TLL1: variants seen among roughly 807,000 people sequenced by gnomAD.
TLL1 encodes the protein tolloid-like protein 1.
A neutral mutation model predicts 128.2 loss-of-function variants in TLL1; 49 were observed. That is an observed-to-expected ratio of 0.38 (90% CI 0.30 to 0.48). The LOEUF (loss-of-function observed/expected upper bound fraction) is 0.48. Among genes scored for constraint, TLL1 ranks in the 20% least tolerant of loss-of-function variants. The pLI is 0.96. For synonymous variants in TLL1, 454 were observed against 418.8 expected (o/e 1.08, Z -1.03); for missense variants, 1,123 against 1,242.0 (o/e 0.90, Z 1.44).
chr4:166,064,607 C>T (rs1740487990), intron 15 of TLL1, among the ~76,000 whole-genome samples: 1 of 151,936 alleles, frequency 6.6e-6, no homozygotes, highest in Non-Finnish European at 1.5e-5. Context: ...AATAAAAGGC[C>T]TGAGCAAAAA....
intron 12 of TLL1, among the ~76,000 whole-genome samples, chr4:166,046,321 T>C (rs1477953686): frequency 2.0e-5 from 3 of 152,164 alleles, no homozygotes; most frequent in Non-Finnish European, 4.4e-5. Flanking sequence ...GTACCTGGTA[T>C]GGTGAAGTTA....
intron 1 of TLL1, among the ~76,000 whole-genome samples, chr4:165,883,140 G>C (rs959570860): frequency 1.3e-5 from 2 of 152,088 alleles, no homozygotes; most frequent in African/African-American, 4.8e-5. Context: ...ACGCAAAACT[G>C]TATGCTTCAA....
At chr4:166,087,459 C>T (rs1741576494) in intron 18 of TLL1, among the ~76,000 whole-genome samples, 1 of 152,064 alleles carries the variant, frequency 6.6e-6, no homozygotes, top group African/African-American at 2.4e-5. Flanking sequence ...TCTAATCCTT[C>T]AAATATTTTG....
chr4:166,064,002 A>C (rs1740460780), intron 15 of TLL1, among the ~76,000 whole-genome samples: 3 of 152,098 alleles, frequency 2.0e-5, no homozygotes, highest in East Asian at 3.9e-4. Context: ...AATAATTAAA[A>C]AAAAAAAGAA....
intron 20 of TLL1, 131 bp from the exon 21 acceptor site, chr4:166,100,611 T>C (rs1742242466): frequency 8.2e-7 from 1 of 1,217,066 alleles, no homozygotes; most frequent in South Asian, 1.2e-5. Flanking sequence ...TGATTACACC[T>C]ACTCTCCAAG....
chr4:165,955,790 T>G (rs903818925), intron 1 of TLL1, among the ~76,000 whole-genome samples: 1 of 152,120 alleles, frequency 6.6e-6, no homozygotes, highest in Non-Finnish European at 1.5e-5. Flanking sequence ...TTAAAGGAGT[T>G]CTAAACATGG....
At chr4:165,962,979 G>A (rs539673477) in intron 1 of TLL1, among the ~76,000 whole-genome samples, 9 of 148,274 alleles carry the variant, frequency 6.1e-5, no homozygotes, top group Admixed American at 2.0e-4. Flanking sequence ...CACTTGAACC[G>A]AGGAGGCGGA....
intron 18 of TLL1, among the ~76,000 whole-genome samples, chr4:166,081,977 C>T (rs1362080976): frequency 6.6e-6 from 1 of 152,080 alleles, no homozygotes; most frequent in Non-Finnish European, 1.5e-5. Flanking sequence ...TGCCAATATT[C>T]GACTTGAGAA....
chr4:166,041,583 G>A (rs1270503253), intron 10 of TLL1, among the ~76,000 whole-genome samples: 1 of 151,896 alleles, frequency 6.6e-6, no homozygotes, highest in Non-Finnish European at 1.5e-5. Flanking sequence ...ACAGGCGTGA[G>A]CCACTGTGCC....
chr4:165,978,764 C>T (rs1388940315), intron 1 of TLL1, among the ~76,000 whole-genome samples: 3 of 152,186 alleles, frequency 2.0e-5, no homozygotes, highest in Non-Finnish European at 4.4e-5. Flanking sequence ...CCAATTTTAG[C>T]TGTTCTCAGG....
intron 1 of TLL1, among the ~76,000 whole-genome samples, chr4:165,902,349 G>T (rs888246459): frequency 6.6e-6 from 1 of 152,158 alleles, no homozygotes; most frequent in African/African-American, 2.4e-5. Context: ...CCTGCAGCTA[G>T]CTTGGTGTCT....
chr4:166,044,048 T>C (rs1000926461), intron 12 of TLL1, among the ~76,000 whole-genome samples: 3 of 152,138 alleles, frequency 2.0e-5, no homozygotes, highest in Admixed American at 1.3e-4. Context: ...TGAAAGGGAC[T>C]GAGTTAAACA....
At chr4:165,926,251 CATCT>C (rs749944483) in intron 1 of TLL1, among the ~76,000 whole-genome samples, 6 of 152,098 alleles carry the variant, frequency 3.9e-5, no homozygotes, top group South Asian at 2.1e-4. Context: ...TGTTTCTGTC[CATCT>C]ATCTATTTTT....
chr4:166,003,302 C>A, intron 5 of TLL1, 89 bp from the exon 6 acceptor site: 1 of 1,321,876 alleles, frequency 7.6e-7, no homozygotes, highest in Non-Finnish European at 1.1e-6. Context: ...CTTTATAGCT[C>A]ATCACTATTC....
chr4:165,954,717 C>G (rs1041846058), intron 1 of TLL1, among the ~76,000 whole-genome samples: 1 of 152,102 alleles, frequency 6.6e-6, no homozygotes, highest in African/African-American at 2.4e-5. Context: ...TCTGAAAGCA[C>G]CCAGAAACAA....
At chr4:165,949,297 C>T (rs1734399483) in intron 1 of TLL1, among the ~76,000 whole-genome samples, 1 of 152,022 alleles carries the variant, frequency 6.6e-6, no homozygotes. Flanking sequence ...TTTGAATTTA[C>T]TTGAGTGAGA....
intron 19 of TLL1, among the ~76,000 whole-genome samples, chr4:166,092,778 C>G (rs1329628223): frequency 1.3e-5 from 2 of 151,312 alleles, no homozygotes; most frequent in African/African-American, 4.9e-5. Context: ...CTCTTTTTAC[C>G]CCTTGTAAGT....
chr4:165,903,375 T>C (rs1374434992), intron 1 of TLL1, among the ~76,000 whole-genome samples: 2 of 150,874 alleles, frequency 1.3e-5, no homozygotes, highest in Admixed American at 6.6e-5. Flanking sequence ...CTGTATTGTA[T>C]ACTAAAAATT....
chr4:165,881,863 T>G (rs183725680), intron 1 of TLL1, among the ~76,000 whole-genome samples: 3 of 152,198 alleles, frequency 2.0e-5, no homozygotes, highest in African/African-American at 4.8e-5. Context: ...AATTTAGTCA[T>G]GAGTGCCCTG....
Sources: gnomAD v4.1 joint callset for allele counts (sites outside exome capture counted in the v4.1 genomes callset) on GRCh38, gnomAD v4.1.1 for gene constraint, MANE v1.5 for transcripts, NCBI Gene and HGNC (gene_info 2026-07-23, HGNC 2026-07-21) for gene names.